KLHDC3: variants seen among roughly 807,000 people sequenced by gnomAD.
KLHDC3 encodes the protein kelch domain containing 3, also known as kelch domain-containing protein 3.
A neutral mutation model predicts 44.1 loss-of-function variants in KLHDC3; 5 were observed. The ratio of observed to expected loss-of-function variants is 0.11; its 90% CI spans 0.06 to 0.24. The LOEUF is 0.24. Ranked by LOEUF, KLHDC3 falls within the 10% of genes least tolerant of loss-of-function variation. The pLI is 1.00. For missense variants in KLHDC3, 247 were observed against 514.3 expected (o/e 0.48, Z 5.03); for synonymous variants, 170 against 189.0 (o/e 0.90, Z 0.82).
chr6:43,017,573 C>G lies in KLHDC3; in HGVS notation c.209C>G (p.Ala70Gly). 1 of 1,613,254 alleles carries G rather than the reference C, an allele frequency of 6.2e-7. No homozygotes were observed. The highest frequency in any genetic ancestry group is 1.3e-5 in the African/African-American group (1 of 75,030). ...GTGAAGTCTGCCATCCGTGGGCAAG[C>G]TCCTGTGGTACCCTACATGCGCTAT... ...PPVKSAIRGQAPVVPYMRYGH... is the reference protein window; with the variant it reads ...PPVKSAIRGQGPVVPYMRYGH... Residue 70 changes from alanine to glycine, a missense_variant, in exon 3 of 11, where the codon GCT (alanine) becomes GGT (glycine). Physicochemically the swap from Ala to Gly is moderately conservative, Grantham distance 60. Coordinates refer to ENST00000326974, the MANE Select transcript of KLHDC3 (RefSeq NM_057161.4). This position sits in a 1 kb window ranked among gnomAD's most constrained non-coding sequence, Gnocchi z 6.0.
At chr6:43,014,678 C>T in intron 1 of KLHDC3, 1 of 454,966 alleles carries the variant, frequency 2.2e-6, no homozygotes. Context: ...TGGAAGAAGA[C>T]AGGGATAGAG....
chr6:43,020,619 G>A, intron 10 of KLHDC3, 48 bp from the exon 11 acceptor site: 1 of 1,473,698 alleles, frequency 6.8e-7, no homozygotes, highest in Non-Finnish European at 9.5e-7. Flanking sequence ...CCCTTAGCTT[G>A]GGCTGAGGGC....
Position 43,020,888 on chromosome 6 carries a change from G to A in KLHDC3, c.*155G>A. The stretch of plus-strand genomic sequence containing the variant: ...GTTCTCTGTGCTGTGAATTCAGTGG[G>A]GAGCTGTAGCGGGGTGGGGGCTAGG... On this transcript the variant is annotated 3_prime_UTR_variant, in exon 11 of 11. Transcript: ENST00000326974. 1 of 700,456 alleles carries A rather than the reference G, an allele frequency of 1.4e-6. No individual in the cohort carries two copies. Among genetic ancestry groups the A allele is most frequent in the Non-Finnish European group, 2.6e-6 (1 of 387,994 alleles). 43.4% of individuals were successfully genotyped at this position (700,456 alleles called of 1,614,324 possible).
In KLHDC3 at chr6:43,017,016, G is replaced by C; in HGVS notation, c.-59-118G>C. On this transcript the variant is annotated intron_variant, in intron 1 of 10. Transcript: ENST00000326974. The surrounding 1 kb of genome is among the most constrained non-coding windows in gnomAD (Gnocchi z 6.0). The stretch of plus-strand genomic sequence containing the variant: ...GCTGAGACTAGTGCCCCTGTGGAGG[G>C]GTAGTGTGGGAGGGCCCCCAGGGTG... The C allele has an allele frequency of 1.4e-6, 1 of 703,816 alleles. No individual in the cohort carries two copies. The highest frequency in any genetic ancestry group is 2.4e-6 in the Non-Finnish European group (1 of 413,528). 43.6% of individuals were successfully genotyped at this position (703,816 alleles called of 1,614,324 possible). A position where few individuals can be genotyped will look rare whatever the true frequency, so the allele number is the denominator to read the frequency against.
At position 43,017,425 on chromosome 6, in the gene KLHDC3, C is replaced by T; in HGVS notation, c.154+79C>T. ...TGCTGATGAGGTTTGGCTGTGGTCT[C>T]TGGGACCAAGGGGATTGGGGACAAA... is the stretch of plus-strand genomic sequence containing the variant. On this transcript the variant is annotated intron_variant, in intron 2 of 10. Transcript: ENST00000326974. The surrounding 1 kb of genome is among the most constrained non-coding windows in gnomAD (Gnocchi z 6.0). The T allele has an allele frequency of 6.4e-7, 1 of 1,570,282 alleles. No individual in the cohort carries two copies. Among genetic ancestry groups the T allele is most frequent in the Non-Finnish European group, 8.7e-7 (1 of 1,154,264 alleles).
chr6:43,015,508 CAG>C (rs952051651), intron 1 of KLHDC3, among the ~76,000 whole-genome samples: 20 of 152,158 alleles, frequency 1.3e-4, no homozygotes, highest in African/African-American at 4.6e-4. Context: ...GAAAAAACCT[CAG>C]ATGTACCCAG....
rs1241894454 is a variant in KLHDC3 at position 43,017,143 on chromosome 6, G to A, written c.-50G>A. The A allele has an allele frequency of 6.3e-7, 1 of 1,583,590 alleles. No homozygotes were observed. Among genetic ancestry groups the A allele is most frequent in the Admixed American group, 1.7e-5 (1 of 58,698 alleles). ...CCCAATTTGTGTGCAGATAGCAGAG[G>A]CAGCAGGCCGTGCCGGGGGGGCATG... On this transcript the variant is annotated 5_prime_UTR_variant, in exon 2 of 11. Transcript: ENST00000326974. The surrounding 1 kb of genome is among the most constrained non-coding windows in gnomAD (Gnocchi z 6.0).
At position 43,017,528 on chromosome 6, in the gene KLHDC3, G is replaced by A; in HGVS notation, c.164G>A (p.Arg55His). The A allele has an allele frequency of 1.3e-6, 2 of 1,599,034 alleles. No homozygotes were observed. Among genetic ancestry groups the A allele is most frequent in the Non-Finnish European group, 1.7e-6 (2 of 1,171,170 alleles). Residue 55 changes from arginine to histidine, a missense_variant, in exon 3 of 11, where the codon CGT becomes CAT. Physicochemically the swap from Arg to His is conservative, Grantham distance 29. Coordinates refer to ENST00000326974, the MANE Select transcript of KLHDC3 (RefSeq NM_057161.4). The surrounding 1 kb of genome is among the most constrained non-coding windows in gnomAD (Gnocchi z 6.0). The stretch of plus-strand genomic sequence containing the variant: ...AGAGCTGTGCCCACAGTGTCCTTGC[G>A]TTGGACAAAGCTGCCCCCGGTGAAG... ...DVHIFNAVSL[R>H]WTKLPPVKSA...
At chr6:43,020,100 C>T (rs910232509) in intron 10 of KLHDC3, among the ~76,000 whole-genome samples, 3 of 152,032 alleles carry the variant, frequency 2.0e-5, no homozygotes, top group Admixed American at 6.6e-5. Context: ...TGCTTGAACC[C>T]GGGAGGCGGG....
In KLHDC3 at chr6:43,017,978, G is replaced by A. The variant is rs751730662; in HGVS notation, c.447+10G>A. Reference sequence around the variant, plus strand: ...GGGCTACGAGCAGCAGGTAGGTCTGGGAATAAAATAAGAGGTTTAGGGTGG... The same window carrying A: ...GGGCTACGAGCAGCAGGTAGGTCTGAGAATAAAATAAGAGGTTTAGGGTGG... On this transcript the variant is annotated intron_variant, in intron 4 of 10. Transcript: ENST00000326974. This position sits in a 1 kb window ranked among gnomAD's most constrained non-coding sequence, Gnocchi z 6.0. 14 of 1,604,144 alleles carry A rather than the reference G, an allele frequency of 8.7e-6. No individual in the cohort carries two copies. In the East Asian group the frequency reaches 2.5e-4, roughly 28 times the overall value.
At chr6:43,014,687 A>C (rs1401879935) in intron 1 of KLHDC3, 2 of 451,436 alleles carry the variant, frequency 4.4e-6, no homozygotes, top group African/African-American at 4.0e-5. Context: ...ACAGGGATAG[A>C]GTCATATGCA....
At chr6:43,019,492 T>C in intron 10 of KLHDC3, 126 bp downstream of exon 10, 2 of 670,370 alleles carry the variant, frequency 3.0e-6, no homozygotes, top group South Asian at 3.7e-5. Context: ...TGTAGTGTAC[T>C]TGTGGGAAAT....
chr6:43,020,089 T>C (rs1250831250), intron 10 of KLHDC3, among the ~76,000 whole-genome samples: 1 of 152,088 alleles, frequency 6.6e-6, no homozygotes. Flanking sequence ...GGCAAGAGAA[T>C]TGCTTGAACC....
chr6:43,014,290 G>A lies in KLHDC3; in HGVS notation c.-118G>A. ...ACTAAGGCGTCGGTTGGCGCGCAAC[G>A]GGTTCTAGGCTGCAGGCAGCTCGAG... is the stretch of plus-strand genomic sequence containing the variant. On this transcript the variant is annotated 5_prime_UTR_variant, in exon 1 of 11. Transcript: ENST00000326974. 4.1e-6 allele frequency: 3 copies of A among 738,408 alleles called. No individual in the cohort carries two copies. The highest frequency in any genetic ancestry group is 2.7e-5 in the East Asian group (1 of 36,666). The allele number at this position is 738,408 out of a possible 1,614,324, so 45.7% of individuals were successfully genotyped here.
chr6:43,019,267 T>G, intron 9 of KLHDC3, 21 bp from the exon 10 acceptor site: 2 of 1,603,376 alleles, frequency 1.2e-6, no homozygotes, highest in Non-Finnish European at 1.7e-6. Flanking sequence ...CCATCTCCTT[T>G]CCACAACTTC....
intron 10 of KLHDC3, among the ~76,000 whole-genome samples, 157 bp from the exon 11 acceptor site, chr6:43,020,510 T>C (rs559484270): frequency 7.9e-5 from 12 of 152,282 alleles, no homozygotes; most frequent in African/African-American, 2.6e-4. Flanking sequence ...TGGGTTCTGA[T>C]TGTTCAACCT....
intron 10 of KLHDC3, among the ~76,000 whole-genome samples, chr6:43,020,218 C>A (rs994326687): frequency 2.6e-5 from 4 of 151,482 alleles, no homozygotes; most frequent in Non-Finnish European, 5.9e-5. Flanking sequence ...GGGAAGGCCT[C>A]AGGAAGGATA....
chr6:43,016,486 G>C (rs1352762188), intron 1 of KLHDC3: 1 of 152,354 alleles, frequency 6.6e-6, no homozygotes, highest in Non-Finnish European at 1.5e-5. Flanking sequence ...TGCCTGTGGG[G>C]GGCCCTGGGT....
At position 43,014,604 on chromosome 6, in the gene KLHDC3, G is replaced by A. The variant is rs149523717; in HGVS notation, c.-60+256G>A. The A allele has an allele frequency of 2.8e-3, 1,284 of 457,568 alleles. 20 individuals are homozygous for A. The highest frequency in any genetic ancestry group is 0.023 in the African/African-American group (1,164 of 50,196). The allele number at this position is 457,568 out of a possible 1,614,324, so 28.3% of individuals were successfully genotyped here. A position where few individuals can be genotyped will look rare whatever the true frequency, so the allele number is the denominator to read the frequency against. ...AGGAAGACTGGGCCATGAAAACAGG[G>A]AAGCTGAGCATAATGGAAGGGGAGG... On this transcript the variant is annotated intron_variant, in intron 1 of 10. Coordinates refer to ENST00000326974, the MANE Select transcript of KLHDC3 (RefSeq NM_057161.4).
Sources: allele counts gnomAD v4.1 joint callset (sites outside exome capture counted in the v4.1 genomes callset), GRCh38; gene constraint gnomAD v4.1.1; non-coding constraint Gnocchi (gnomAD v3.1); transcripts MANE v1.5; gene names NCBI Gene and HGNC (gene_info 2026-07-23, HGNC 2026-07-21).